PHACTR1: variants seen among roughly 807,000 people sequenced by gnomAD.
PHACTR1 encodes RPEL repeat containing 1.
PHACTR1 carries 16 observed loss-of-function variants against 69.2 expected under a neutral mutation model. The ratio of observed to expected loss-of-function variants is 0.23; its 90% confidence interval spans 0.16 to 0.35. The LOEUF is 0.35. Among genes scored for constraint, PHACTR1 ranks in the 10% least tolerant of loss-of-function variants. The probability of loss-of-function intolerance (pLI) is 1.00; values close to 1 mark genes in which losing one functional copy is unlikely to be tolerated. For missense variants in PHACTR1, 510 were observed against 734.7 expected (o/e 0.69, Z 3.54); for synonymous variants, 312 against 284.5 (o/e 1.10, Z -0.97).
At chr6:13,058,681 C>T (rs1807167979) in intron 5 of PHACTR1, among the ~76,000 whole-genome samples, 1 of 152,046 alleles carries the variant, frequency 6.6e-6, no homozygotes, top group Non-Finnish European at 1.5e-5. Context: ...CTTGAGAGGT[C>T]AGGGAAACTT....
chr6:13,070,274 C>T (rs545323341), intron 5 of PHACTR1, among the ~76,000 whole-genome samples: 1 of 152,228 alleles, frequency 6.6e-6, no homozygotes, highest in East Asian at 1.9e-4. Flanking sequence ...TTGACCTTTT[C>T]CCTTTGACTT....
intron 4 of PHACTR1, among the ~76,000 whole-genome samples, chr6:12,977,144 G>T (rs553073086): frequency 2.0e-5 from 3 of 152,010 alleles, no homozygotes; most frequent in South Asian, 4.2e-4. Flanking sequence ...TAGAGATAGG[G>T]TTTCACCAAG....
intron 5 of PHACTR1, 38 bp downstream of exon 5, chr6:13,053,567 T>C (rs755876517): frequency 4.4e-6 from 7 of 1,597,210 alleles, no homozygotes; most frequent in Middle Eastern, 1.7e-4. Context: ...ATTTGGTGTT[T>C]GTTGCCTTCA....
intron 5 of PHACTR1, among the ~76,000 whole-genome samples, chr6:13,130,765 C>A (rs1358748595): frequency 6.6e-6 from 1 of 152,044 alleles, no homozygotes; most frequent in Admixed American, 6.5e-5. Context: ...TGAAACTATT[C>A]CAAAAGATAG....
chr6:13,244,368 T>C (rs1773292355), intron 10 of PHACTR1, among the ~76,000 whole-genome samples: 2 of 152,222 alleles, frequency 1.3e-5, no homozygotes, highest in Admixed American at 6.5e-5. Context: ...ACCATTGTCA[T>C]TGATAAAACA....
At chr6:13,075,678 G>A (rs1810342837) in intron 5 of PHACTR1, among the ~76,000 whole-genome samples, 1 of 152,138 alleles carries the variant, frequency 6.6e-6, no homozygotes, top group Non-Finnish European at 1.5e-5. Flanking sequence ...CTTTCTGAAA[G>A]GGAAATACAC....
intron 7 of PHACTR1, among the ~76,000 whole-genome samples, chr6:13,200,103 C>A (rs1765001979): frequency 1.3e-5 from 2 of 152,204 alleles, no homozygotes; most frequent in African/African-American, 4.8e-5. Flanking sequence ...ACTGATGCAT[C>A]CTGGCCTTGA....
chr6:13,260,877 G>A (rs966452608), intron 10 of PHACTR1, among the ~76,000 whole-genome samples: 3 of 152,184 alleles, frequency 2.0e-5, no homozygotes, highest in Admixed American at 6.5e-5. Flanking sequence ...TTGAATCATC[G>A]ATGACCTTAT....
At chr6:13,253,950 G>A (rs1774842771) in intron 10 of PHACTR1, among the ~76,000 whole-genome samples, 1 of 152,202 alleles carries the variant, frequency 6.6e-6, no homozygotes, top group South Asian at 2.1e-4. Context: ...TGGGGTGGCT[G>A]GGTGCAGTGG....
intron 4 of PHACTR1, among the ~76,000 whole-genome samples, chr6:12,936,439 C>G (rs1789458787): frequency 1.3e-5 from 2 of 152,174 alleles, no homozygotes; most frequent in African/African-American, 4.8e-5. Context: ...AATGCTAACT[C>G]AGGAAGTCTT....
chr6:13,148,598 C>CA (rs1299711222), intron 5 of PHACTR1, among the ~76,000 whole-genome samples: 1 of 152,100 alleles, frequency 6.6e-6, no homozygotes, highest in Admixed American at 6.6e-5. Context: ...TATACCTACT[C>CA]AGTTAACAGA....
chr6:12,981,616 T>A (rs1194771969), intron 4 of PHACTR1, among the ~76,000 whole-genome samples: 1 of 152,150 alleles, frequency 6.6e-6, no homozygotes, highest in Non-Finnish European at 1.5e-5. Flanking sequence ...AGGTTAGGAG[T>A]TCTCCCATTC....
intron 4 of PHACTR1, among the ~76,000 whole-genome samples, chr6:12,846,857 A>G (rs904426118): frequency 2.8e-5 from 4 of 143,782 alleles, no homozygotes; most frequent in African/African-American, 1.1e-4. Flanking sequence ...CCCAGGCTGG[A>G]GTGCAGTGGC....
intron 4 of PHACTR1, among the ~76,000 whole-genome samples, chr6:13,033,475 T>G (rs1430706067): frequency 6.6e-6 from 1 of 152,212 alleles, no homozygotes; most frequent in Non-Finnish European, 1.5e-5. Flanking sequence ...GGCCATGCTC[T>G]GTTAAAATGC....
chr6:13,140,193 A>T (rs1250821048), intron 5 of PHACTR1, among the ~76,000 whole-genome samples: 1 of 151,996 alleles, frequency 6.6e-6, no homozygotes, highest in East Asian at 1.9e-4. Context: ...TTGCTAATCA[A>T]AATGGTGCAG....
intron 4 of PHACTR1, among the ~76,000 whole-genome samples, chr6:12,802,422 G>A (rs1013791943): frequency 1.2e-4 from 19 of 152,032 alleles, no homozygotes; most frequent in Middle Eastern, 3.4e-3. Context: ...ATATAATTAG[G>A]CTAAAATAAA....
intron 4 of PHACTR1, among the ~76,000 whole-genome samples, chr6:12,859,742 G>A (rs1780753648): frequency 6.6e-6 from 1 of 152,042 alleles, no homozygotes; most frequent in East Asian, 1.9e-4. Context: ...TCTTGATTAG[G>A]GATGATACCT....
chr6:12,925,923 T>C (rs1041622532), intron 4 of PHACTR1, among the ~76,000 whole-genome samples: 1 of 152,218 alleles, frequency 6.6e-6, no homozygotes, highest in Non-Finnish European at 1.5e-5. Context: ...CATCCTAACA[T>C]GAACCCTGCC....
chr6:13,157,046 C>G (rs1758284766), intron 5 of PHACTR1, among the ~76,000 whole-genome samples: 1 of 152,168 alleles, frequency 6.6e-6, no homozygotes, highest in Non-Finnish European at 1.5e-5. Context: ...CTTCCCATTG[C>G]TCTTAGAATA....
Sources: allele counts gnomAD v4.1 joint callset (sites outside exome capture counted in the v4.1 genomes callset), GRCh38; gene constraint gnomAD v4.1.1; transcripts MANE v1.5; gene names NCBI Gene and HGNC (gene_info 2026-07-23, HGNC 2026-07-21).